The following KHDRBS2 variants were observed in gnomAD, a reference collection of about 807,000 sequenced individuals.
KHDRBS2 encodes the protein KH domain-containing, RNA-binding, signal transduction-associated protein 2.
In KHDRBS2, 26 loss-of-function variants were observed where a neutral mutation model predicts 44.3. The ratio of observed to expected loss-of-function variants is 0.59; its 90% confidence interval spans 0.43 to 0.81. The LOEUF (loss-of-function observed/expected upper bound fraction) is 0.81, where lower values mean the gene tolerates loss of function less well. KHDRBS2 is among the 40% of genes least tolerant of loss of function. The pLI is 0.00. For synonymous variants in KHDRBS2, 194 were observed against 151.1 expected, an observed-to-expected ratio of 1.28 and a Z score of -2.08; for missense variants, 476 against 433.1, an observed-to-expected ratio of 1.10 and a Z score of -0.88.
intron 2 of KHDRBS2, among the ~76,000 whole-genome samples, chr6:62,136,491 T>C (rs1316974500): frequency 6.6e-6 from 1 of 152,242 alleles, no homozygotes; most frequent in African/African-American, 2.4e-5. Context: ...ATACATTTTA[T>C]TCTTTATATT....
intron 4 of KHDRBS2, among the ~76,000 whole-genome samples, chr6:61,947,336 C>T (rs1813581944): frequency 6.6e-6 from 1 of 152,120 alleles, no homozygotes; most frequent in African/African-American, 2.4e-5. Flanking sequence ...GTTAAAGATG[C>T]TGCCCAATTC....
At chr6:62,279,105 A>G (rs1841430579) in intron 1 of KHDRBS2, among the ~76,000 whole-genome samples, 1 of 151,998 alleles carries the variant, frequency 6.6e-6, no homozygotes, top group African/African-American at 2.4e-5. Flanking sequence ...AAAAATAAAT[A>G]AATAAATAAA....
At chr6:62,061,543 G>A (rs1039263049) in intron 2 of KHDRBS2, among the ~76,000 whole-genome samples, 8 of 148,526 alleles carry the variant, frequency 5.4e-5, no homozygotes, top group Admixed American at 1.3e-4. Flanking sequence ...CAAGAGATCC[G>A]CTGTTAGTCT....
At chr6:61,548,879 G>C in the KHDRBS2 span, among the ~76,000 whole-genome samples, 1 of 152,046 alleles carries the variant, frequency 6.6e-6, no homozygotes, top group Non-Finnish European at 1.5e-5. Flanking sequence ...TACCACTCAG[G>C]AGAGTAGGCT....
intron 1 of KHDRBS2, among the ~76,000 whole-genome samples, chr6:62,243,856 G>A (rs1357209760): frequency 3.9e-5 from 6 of 152,136 alleles, no homozygotes; most frequent in Non-Finnish European, 7.4e-5. Flanking sequence ...TGACATAGTA[G>A]ATATTCACTA....
rs1779671940 is a variant in KHDRBS2 at position 62,008,437 on chromosome 6, T to C, written c.337-30225A>G. On this transcript the variant is annotated intron_variant, in intron 3 of 8. Coordinates refer to ENST00000281156, the MANE Select transcript of KHDRBS2 (RefSeq NM_152688.4). ...AATAAAATATATATGTACATAACTT[T>C]TAGAATAATGCTCAATAGTTAACTA... Among the ~76,000 whole-genome samples the C allele has an allele frequency of 2.0e-5, 3 of 152,202 alleles. No homozygotes were observed. The South Asian group carries it at 6.2e-4, about 31-fold the overall frequency.
intron 1 of KHDRBS2, among the ~76,000 whole-genome samples, chr6:62,270,652 T>A (rs1274596105): frequency 1.3e-5 from 2 of 152,052 alleles, no homozygotes; most frequent in African/African-American, 2.4e-5. Context: ...CCAAAACTCA[T>A]TAAGTTTTAT....
rs76052037 is a variant in KHDRBS2, at chr6:61,988,458, C to T, written c.337-10246G>A. Among the ~76,000 whole-genome samples, 95 of 152,280 alleles carry T rather than the reference C, an allele frequency of 6.2e-4. 1 individual carries two copies. Among genetic ancestry groups the T allele is most frequent in the African/African-American group, 2.3e-3 (94 of 41,560 alleles). The stretch of plus-strand genomic sequence containing the variant: ...CTTATCTTTTCTTTCTCAATTCCAA[C>T]TGGATACAAATGGGCTTTCTTAGGG... On this transcript the variant is annotated intron_variant, in intron 3 of 8. Transcript: ENST00000281156.
intron 2 of KHDRBS2, among the ~76,000 whole-genome samples, chr6:62,067,906 C>T (rs1794122172): frequency 6.6e-6 from 1 of 151,386 alleles, no homozygotes; most frequent in South Asian, 2.1e-4. Context: ...TTATTTATTG[C>T]TAAAAATATT....
chr6:61,609,463 G>T, the KHDRBS2 span, among the ~76,000 whole-genome samples: 61 of 152,230 alleles, frequency 4.0e-4, 1 homozygote, highest in Middle Eastern at 3.4e-3. Flanking sequence ...TTATAATGTT[G>T]GTGAATCCCT....
chr6:61,742,838 C>G (rs567360896), intron 6 of KHDRBS2, among the ~76,000 whole-genome samples: 1 of 152,040 alleles, frequency 6.6e-6, no homozygotes, highest in African/African-American at 2.4e-5. Flanking sequence ...AAATCAGTCT[C>G]TAATAAAAGG....
At chr6:61,672,335 A>T in the KHDRBS2 span, among the ~76,000 whole-genome samples, 2 of 152,174 alleles carry the variant, frequency 1.3e-5, no homozygotes, top group South Asian at 4.1e-4. Context: ...TAGCAGCATG[A>T]TTTATAGTCC....
chr6:62,022,005 A>C (rs1167477176), intron 3 of KHDRBS2, among the ~76,000 whole-genome samples: 2 of 148,738 alleles, frequency 1.3e-5, no homozygotes, highest in African/African-American at 4.9e-5. Context: ...TACACACACT[A>C]TATATATATA....
At chr6:62,051,801 C>T (rs772533176) in intron 2 of KHDRBS2, among the ~76,000 whole-genome samples, 1 of 151,576 alleles carries the variant, frequency 6.6e-6, no homozygotes, top group African/African-American at 2.4e-5. Flanking sequence ...GCAGAAAAAC[C>T]GATTTAAAAA....
the KHDRBS2 span, among the ~76,000 whole-genome samples, chr6:61,673,509 G>A: frequency 1.3e-4 from 20 of 149,032 alleles, no homozygotes; most frequent in African/African-American, 4.9e-4. Context: ...CGACATGATT[G>A]TATATCTAGA....
intron 6 of KHDRBS2, among the ~76,000 whole-genome samples, chr6:61,748,529 T>C (rs1404533336): frequency 6.6e-6 from 1 of 152,178 alleles, no homozygotes; most frequent in African/African-American, 2.4e-5. Context: ...TAATTGCATC[T>C]GAAAAGTTTT....
At chr6:61,617,000 T>G in the KHDRBS2 span, among the ~76,000 whole-genome samples, 1 of 152,152 alleles carries the variant, frequency 6.6e-6, no homozygotes, top group Admixed American at 6.5e-5. Context: ...TTTCTGTATG[T>G]GGAACATTGG....
intron 4 of KHDRBS2, among the ~76,000 whole-genome samples, chr6:61,932,122 A>C (rs922128888): frequency 6.6e-6 from 1 of 152,104 alleles, no homozygotes; most frequent in African/African-American, 2.4e-5. Flanking sequence ...TTTGTAGTTA[A>C]GTTTTTGGAG....
intron 7 of KHDRBS2, among the ~76,000 whole-genome samples, chr6:61,714,085 A>C (rs1770984424): frequency 6.6e-6 from 1 of 151,966 alleles, no homozygotes; most frequent in Admixed American, 6.6e-5. Flanking sequence ...AGCAAAATAA[A>C]TAATTAATAG....
Sources: gnomAD v4.1 joint callset for allele counts (sites outside exome capture counted in the v4.1 genomes callset) on GRCh38, gnomAD v4.1.1 for gene constraint, MANE v1.5 for transcripts, NCBI Gene and HGNC (gene_info 2026-07-23, HGNC 2026-07-21) for gene names.